Variants in TSNARE1 observed in about 807,000 individuals in gnomAD.
TSNARE1 encodes t-SNARE domain containing 1, also known as t-SNARE domain-containing protein 1.
Under a neutral mutation model 62.0 loss-of-function variants are expected in TSNARE1, and 49 were observed. The observed-to-expected ratio is 0.79, with a 90% CI of 0.63 to 1.00. TSNARE1 has a LOEUF of 1.00. TSNARE1 is among the 50% of genes least tolerant of loss of function. The probability of loss-of-function intolerance (pLI) is 0.00; values close to 1 mark genes in which losing one functional copy is unlikely to be tolerated. For synonymous variants in TSNARE1, 328 were observed against 294.4 expected (o/e 1.11, Z -1.17); for missense variants, 755 against 700.1 (o/e 1.08, Z -0.88).
At chr8:142,232,445 C>G (rs1451272400) in intron 12 of TSNARE1, among the ~76,000 whole-genome samples, 1 of 152,276 alleles carries the variant, frequency 6.6e-6, no homozygotes, top group Non-Finnish European at 1.5e-5. Context: ...CGTCTCTACC[C>G]TCCATCCCCC....
intron 11 of TSNARE1, chr8:142,275,158 G>A (rs963928325): frequency 1.3e-5 from 13 of 985,264 alleles, no homozygotes; most frequent in Middle Eastern, 5.2e-4. Flanking sequence ...AGTGGCAGGC[G>A]GAGGTGAGGG....
intron 4 of TSNARE1, among the ~76,000 whole-genome samples, chr8:142,338,437 G>A (rs1832077602): frequency 6.6e-6 from 1 of 152,208 alleles, no homozygotes; most frequent in Non-Finnish European, 1.5e-5. Flanking sequence ...TGAGCACCGA[G>A]CCACCCTGGA....
intron 12 of TSNARE1, among the ~76,000 whole-genome samples, chr8:142,260,831 G>C (rs1384753234): frequency 1.3e-5 from 2 of 151,014 alleles, no homozygotes; most frequent in African/African-American, 4.9e-5. Flanking sequence ...TGTTCCACAG[G>C]GAGGGAGACC....
At chr8:142,218,297 C>T (rs1362039307) in intron 13 of TSNARE1, among the ~76,000 whole-genome samples, 1 of 152,002 alleles carries the variant, frequency 6.6e-6, no homozygotes, top group Non-Finnish European at 1.5e-5. Context: ...CAGGGTGTGG[C>T]CAGGGTCAGG....
At chr8:142,282,885 T>C (rs1586519942) in intron 11 of TSNARE1, among the ~76,000 whole-genome samples, 1 of 130,546 alleles carries the variant, frequency 7.7e-6, no homozygotes, top group Non-Finnish European at 1.6e-5. Context: ...CCACTGTCTG[T>C]CAATGAGCAG....
At chr8:142,401,608 C>T (rs1838298816) in intron 1 of TSNARE1, among the ~76,000 whole-genome samples, 1 of 152,102 alleles carries the variant, frequency 6.6e-6, no homozygotes, top group Non-Finnish European at 1.5e-5. Flanking sequence ...CTACAGAAGG[C>T]CAGACTCAGG....
chr8:142,398,133 C>G (rs1290940297), intron 1 of TSNARE1, among the ~76,000 whole-genome samples: 1 of 152,034 alleles, frequency 6.6e-6, no homozygotes, highest in Non-Finnish European at 1.5e-5. Flanking sequence ...CCCTCCCCAG[C>G]TAAGGCCACT....
intron 6 of TSNARE1, among the ~76,000 whole-genome samples, chr8:142,328,184 C>T (rs1830528215): frequency 6.6e-6 from 1 of 152,104 alleles, no homozygotes; most frequent in South Asian, 2.1e-4. Flanking sequence ...AACTAACTTC[C>T]TTCAAGCCTC....
chr8:142,277,070 C>T (rs1302043850), intron 11 of TSNARE1: 2 of 985,266 alleles, frequency 2.0e-6, no homozygotes, highest in African/African-American at 3.5e-5. Flanking sequence ...CTGAGCGACA[C>T]TCCAATACCT....
At chr8:142,314,010 C>T (rs1301237867) in intron 9 of TSNARE1, among the ~76,000 whole-genome samples, 1 of 152,194 alleles carries the variant, frequency 6.6e-6, no homozygotes, top group South Asian at 2.1e-4. Flanking sequence ...AACCCCTGAC[C>T]TCAGGTGATC....
At chr8:142,261,785 G>T (rs935008542) in intron 12 of TSNARE1, among the ~76,000 whole-genome samples, 3 of 152,148 alleles carry the variant, frequency 2.0e-5, no homozygotes, top group Admixed American at 2.0e-4. Context: ...GGCTGCCCTC[G>T]CTATACCCAG....
At chr8:142,360,536 T>G (rs1835077558) in intron 1 of TSNARE1, among the ~76,000 whole-genome samples, 1 of 152,032 alleles carries the variant, frequency 6.6e-6, no homozygotes, top group Non-Finnish European at 1.5e-5. Flanking sequence ...CCCCACTTGC[T>G]CCCAAGGAGG....
intron 11 of TSNARE1, among the ~76,000 whole-genome samples, chr8:142,282,123 G>C (rs1227524400): frequency 6.6e-6 from 1 of 152,224 alleles, no homozygotes; most frequent in African/African-American, 2.4e-5. Flanking sequence ...AGGTGCCCTG[G>C]CTTGCGGTGC....
intron 7 of TSNARE1, among the ~76,000 whole-genome samples, chr8:142,316,099 C>A (rs1474634746): frequency 6.8e-6 from 1 of 147,002 alleles, no homozygotes; most frequent in African/African-American, 2.4e-5. Flanking sequence ...GTAAGCGCAG[C>A]GCCTCCCGTA....
In TSNARE1 at chr8:142,344,396, C is replaced by A. The variant is rs751483008; in HGVS notation, c.315G>T (p.Ser105=). The A allele has an allele frequency of 6.3e-7, 1 of 1,585,562 alleles. No homozygotes were observed. The highest frequency in any genetic ancestry group is 8.6e-7 in the Non-Finnish European group (1 of 1,167,800). ...SSPTIGPRKD[S]AAGPHGRMAG... is the part of the protein sequence containing the mutation. ...CCATCCGGCCATGGGGCCCAGCAGC[C>A]GAGTCCTTCCTCGGGCCAATGGTGG... Residue 105 remains serine, a synonymous_variant, in exon 4 of 14, where the codon TCG becomes TCT. Coordinates refer to ENST00000524325, the MANE Select transcript of TSNARE1 (RefSeq NM_145003.5).
intron 10 of TSNARE1, among the ~76,000 whole-genome samples, chr8:142,292,455 G>T (rs765041473): frequency 6.6e-6 from 1 of 152,176 alleles, no homozygotes; most frequent in African/African-American, 2.4e-5. Context: ...CGAGGGAGAC[G>T]TGAGGGTCCA....
chr8:142,251,103 A>G (rs553163730), intron 12 of TSNARE1, among the ~76,000 whole-genome samples: 1 of 152,136 alleles, frequency 6.6e-6, no homozygotes, highest in East Asian at 1.9e-4. Flanking sequence ...AAAAGACGAA[A>G]ATGCTGAGGC....
At chr8:142,273,772 A>G (rs1563801965) in intron 12 of TSNARE1, 1 of 985,204 alleles carries the variant, frequency 1.0e-6, no homozygotes, top group Non-Finnish European at 1.2e-6. Flanking sequence ...TTCTCCACCC[A>G]GTCAGGCCCC....
At chr8:142,332,569 T>A (rs1257432257) in intron 4 of TSNARE1, among the ~76,000 whole-genome samples, 1 of 152,192 alleles carries the variant, frequency 6.6e-6, no homozygotes, top group Non-Finnish European at 1.5e-5. Context: ...AAGTTTTATC[T>A]CAATTTTTAA....
Sources: gnomAD v4.1 joint callset for allele counts (sites outside exome capture counted in the v4.1 genomes callset) on GRCh38, gnomAD v4.1.1 for gene constraint, MANE v1.5 for transcripts, NCBI Gene and HGNC (gene_info 2026-07-23, HGNC 2026-07-21) for gene names.